The following PLXND1 variants were observed in gnomAD, a reference collection of about 807,000 sequenced individuals.
PLXND1 encodes the protein plexin-D1.
A neutral mutation model predicts 197.7 loss-of-function variants in PLXND1; 54 were observed. That is an observed-to-expected ratio of 0.27 (90% CI 0.22 to 0.34). The LOEUF (loss-of-function observed/expected upper bound fraction) is 0.34. Ranked by LOEUF, PLXND1 falls within the 10% of genes least tolerant of loss-of-function variation. The pLI is 1.00. For missense variants in PLXND1, 2,127 were observed against 2,699.2 expected (o/e 0.79, Z 4.70); for synonymous variants, 1,180 against 1,161.2 (o/e 1.02, Z -0.33).
intron 5 of PLXND1, among the ~76,000 whole-genome samples, chr3:129,585,452 C>T (rs1052339505): frequency 6.6e-6 from 1 of 152,232 alleles, no homozygotes; most frequent in African/African-American, 2.4e-5. Flanking sequence ...ACCCAGCCCC[C>T]TGCATTGCAG....
Position 129,556,438 on chromosome 3 carries a change from G to A in PLXND1, c.5662-10C>T. The A allele has an allele frequency of 6.2e-7, 1 of 1,606,424 alleles. No homozygotes were observed. The highest frequency in any genetic ancestry group is 8.5e-7 in the Non-Finnish European group (1 of 1,173,018). ...CCAGCGCGGCCATGATCTGAGGGGA[G>A]CAGCGGAGTCAGCCGGGCCATGGCC... On this transcript the variant is annotated splice_polypyrimidine_tract_variant and intron_variant, in intron 35 of 35. Transcript: ENST00000324093.
At chr3:129,585,684 C>G (rs1157193164) in intron 5 of PLXND1, among the ~76,000 whole-genome samples, 1 of 152,212 alleles carries the variant, frequency 6.6e-6, no homozygotes, top group East Asian at 1.9e-4. Context: ...CTTGGTGCCT[C>G]AGTTTCCCCA....
At position 129,577,344 on chromosome 3, in the gene PLXND1, A is replaced by C. The variant is rs1342739415; in HGVS notation, c.2346+985T>G. ...CAGCTGGGAAGAATCGGCAGGACTC[A>C]AGTCAGGCTCACACCTCCCCATCCC... is the stretch of plus-strand genomic sequence containing the variant. On this transcript the variant is annotated intron_variant, in intron 9 of 35. Coordinates refer to ENST00000324093, the MANE Select transcript of PLXND1 (RefSeq NM_015103.3). The surrounding 1 kb of genome is among the most constrained non-coding windows in gnomAD (Gnocchi z 5.0). 2.0e-5 allele frequency among the ~76,000 whole-genome samples: 3 copies of C among 152,142 alleles called. No individual in the cohort carries two copies. The highest frequency in any genetic ancestry group is 6.5e-5 in the Admixed American group (1 of 15,288).
rs1451071545 is a variant in PLXND1 at position 129,557,060 on chromosome 3, C to T, written c.5586+23G>A. 2 of 1,610,944 alleles carry T rather than the reference C, an allele frequency of 1.2e-6. No homozygotes were observed. The highest frequency in any genetic ancestry group is 1.7e-5 in the Admixed American group (1 of 59,980). ...ATCCCTCAGCTCTTCAGGCCCCCATCCCCCGCCGCCGAGCCACCGCACCCT... is the reference window on the plus strand; with the variant it reads ...ATCCCTCAGCTCTTCAGGCCCCCATTCCCCGCCGCCGAGCCACCGCACCCT... On this transcript the variant is annotated intron_variant, in intron 34 of 35. Transcript: ENST00000324093. This position sits in a 1 kb window ranked among gnomAD's most constrained non-coding sequence, Gnocchi z 4.8.
Position 129,567,537 on chromosome 3 carries a change from G to A in PLXND1, c.4041C>T (p.Pro1347=). ...TKELNRSQGI[P]FLEYKHFVTR... ...TCACGAAGTGCTTATACTCCAGGAAGGGGATGCCCTGGCTGCGGTTCAGCT... is the reference window on the plus strand; with the variant it reads ...TCACGAAGTGCTTATACTCCAGGAAAGGGATGCCCTGGCTGCGGTTCAGCT... Residue 1347 remains proline, a synonymous_variant, in exon 22 of 36, where the codon CCC becomes CCT. Coordinates refer to ENST00000324093, the MANE Select transcript of PLXND1 (RefSeq NM_015103.3). 1 of 1,611,630 alleles carries A rather than the reference G, an allele frequency of 6.2e-7. No individual in the cohort carries two copies. The highest frequency in any genetic ancestry group is 8.5e-7 in the Non-Finnish European group (1 of 1,178,584).
Position 129,605,403 on chromosome 3 carries a change from G to A in PLXND1, c.1237C>T (p.Pro413Ser). 4 of 1,500,446 alleles carry A rather than the reference G, an allele frequency of 2.7e-6. No homozygotes were observed. Among genetic ancestry groups the A allele is most frequent in the Non-Finnish European group, 3.5e-6 (4 of 1,132,658 alleles). 92.9% of individuals were successfully genotyped at this position (1,500,446 alleles called of 1,614,324 possible). Reference protein sequence around the residue: ...ARTACFVEPAPDVVAVLDSVV... With the variant: ...ARTACFVEPASDVVAVLDSVV... ...CTGTCGAGCACCGCCACCACGTCGG[G>A]CGCCGGTTCCACGAAGCAGGCGGTG... The change falls in exon 1 of 36, where the codon CCC becomes TCC. Residue 413 changes from proline to serine, a missense_variant. Physicochemically the swap from Pro to Ser is moderately conservative, Grantham distance 74. This residue lies in a region of PLXND1 where 1,095 missense variants were observed against 1,259.8 expected (regional missense o/e 0.87). Coordinates refer to ENST00000324093, the MANE Select transcript of PLXND1 (RefSeq NM_015103.3).
chr3:129,556,712 G>T, intron 34 of PLXND1, 21 bp from the exon 35 acceptor site: 1 of 1,535,802 alleles, frequency 6.5e-7, no homozygotes, highest in Non-Finnish European at 9.0e-7. Context: ...GCAGGATGGG[G>T]AGGAGGTTAG....
chr3:129,576,307 T>G (rs2108780919), intron 9 of PLXND1, among the ~76,000 whole-genome samples: 1 of 152,324 alleles, frequency 6.6e-6, no homozygotes, highest in South Asian at 2.1e-4. Context: ...CCTGAACACC[T>G]GTCTTCCTTT....
chr3:129,570,411 G>A (rs938540561), intron 19 of PLXND1, among the ~76,000 whole-genome samples: 2 of 151,084 alleles, frequency 1.3e-5, no homozygotes, highest in Non-Finnish European at 2.9e-5. Context: ...GGGAGAGAGT[G>A]AGCTCCCCAT....
At chr3:129,573,030 T>C in intron 13 of PLXND1, 89 bp from the exon 14 acceptor site, 2 of 840,946 alleles carry the variant, frequency 2.4e-6, no homozygotes, top group South Asian at 1.5e-5. Flanking sequence ...TTCCACGCCA[T>C]GCCACACTTC....
intron 29 of PLXND1, chr3:129,561,125 G>T (rs1578306143): frequency 2.1e-6 from 1 of 470,546 alleles, no homozygotes; most frequent in Middle Eastern, 3.3e-4. Flanking sequence ...GCCCCAGGCA[G>T]GCGGGGGTGG....
rs750371806 is a variant in PLXND1, at chr3:129,555,999, G to A, written c.*313C>T. On this transcript the variant is annotated 3_prime_UTR_variant, in exon 36 of 36. Coordinates refer to ENST00000324093, the MANE Select transcript of PLXND1 (RefSeq NM_015103.3). ...TGGATGCACGGGGCTCTTGGCAGCAGGACCAACTGGACGTTGTGGAGCAAG... is the reference window on the plus strand; with the variant it reads ...TGGATGCACGGGGCTCTTGGCAGCAAGACCAACTGGACGTTGTGGAGCAAG... 10 of 337,260 alleles carry A rather than the reference G, an allele frequency of 3.0e-5. No homozygotes were observed. The highest frequency in any genetic ancestry group is 4.4e-5 in the Non-Finnish European group (8 of 183,350). 20.9% of individuals were successfully genotyped at this position (337,260 alleles called of 1,614,324 possible). A position where few individuals can be genotyped will look rare whatever the true frequency, so the allele number is the denominator to read the frequency against.
rs1369937307 is a variant in PLXND1, at chr3:129,606,589, G to C, written c.51C>G (p.Ala17=). 2 of 1,219,572 alleles carry C rather than the reference G, an allele frequency of 1.6e-6. No homozygotes were observed. The highest frequency in any genetic ancestry group is 2.0e-6 in the Non-Finnish European group (2 of 980,792). The allele number at this position is 1,219,572 out of a possible 1,614,324, so 75.5% of individuals were successfully genotyped here. A position where few individuals can be genotyped will look rare whatever the true frequency, so the allele number is the denominator to read the frequency against. ...GCGTCTGGAACGGCGGGGGGCTGGCGGCGGCGGCCCGGGCGCTAAGGGGTG... is the reference window on the plus strand; with the variant it reads ...GCGTCTGGAACGGCGGGGGGCTGGCCGCGGCGGCCCGGGCGCTAAGGGGTG... The part of the protein sequence containing the change: ...GGAPLSARAA[A]ASPPPFQTPP... The change falls in exon 1 of 36, where the codon GCC becomes GCG. Residue 17 remains alanine (A), a synonymous_variant. Coordinates refer to ENST00000324093, the MANE Select transcript of PLXND1 (RefSeq NM_015103.3).
intron 27 of PLXND1, 116 bp from the exon 28 acceptor site, chr3:129,562,019 A>G (rs557637630): frequency 1.4e-6 from 1 of 703,272 alleles, no homozygotes; most frequent in African/African-American, 1.8e-5. Context: ...AACTGAGGCA[A>G]GCCATACCTC....
chr3:129,567,839 G>A, intron 20 of PLXND1, 34 bp from the exon 21 acceptor site: 1 of 1,328,148 alleles, frequency 7.5e-7, no homozygotes. Flanking sequence ...CAGGCCTCTG[G>A]TGCCCTTTGG....
At position 129,558,667 on chromosome 3, in the gene PLXND1, C is replaced by T. The variant is rs1578301765; in HGVS notation, c.5298-92G>A. 1.5e-6 allele frequency: 2 copies of T among 1,294,620 alleles called. No individual in the cohort carries two copies. Among genetic ancestry groups the T allele is most frequent in the East Asian group, 4.7e-5 (2 of 42,880 alleles). The allele number at this position is 1,294,620 out of a possible 1,614,324, so 80.2% of individuals were successfully genotyped here. ...GGAGGAGAGAGCTGGCTTTGTCCCT[C>T]AAGGGCCTGAGGTTGGAGCCTTGTC... On this transcript the variant is annotated intron_variant, in intron 32 of 35. Transcript: ENST00000324093. The surrounding 1 kb of genome is among the most constrained non-coding windows in gnomAD (Gnocchi z 4.1).
chr3:129,582,588 C>T (rs1243522894), intron 8 of PLXND1, among the ~76,000 whole-genome samples: 2 of 151,650 alleles, frequency 1.3e-5, no homozygotes, highest in Non-Finnish European at 2.9e-5. Context: ...TGGCACATCC[C>T]ACCTGGCTAG....
At chr3:129,565,811 G>T in intron 24 of PLXND1, 76 bp downstream of exon 24, 1 of 1,500,534 alleles carries the variant, frequency 6.7e-7, no homozygotes, top group Non-Finnish European at 9.2e-7. Flanking sequence ...CAGAGCCCCA[G>T]GACCCAGGAC....
At chr3:129,560,567 C>A in intron 30 of PLXND1, 122 bp downstream of exon 30, 1 of 955,724 alleles carries the variant, frequency 1.0e-6, no homozygotes, top group Non-Finnish European at 1.7e-6. Context: ...CATCCCTACT[C>A]CCCCACCCCC....
Sources: gnomAD v4.1 joint callset for allele counts (sites outside exome capture counted in the v4.1 genomes callset) on GRCh38, gnomAD v4.1.1 for gene constraint, gnomAD v4.1.1 regional missense constraint, Gnocchi (gnomAD v3.1) non-coding constraint, MANE v1.5 for transcripts, NCBI Gene and HGNC (gene_info 2026-07-23, HGNC 2026-07-21) for gene names.